The following ASAP1 variants were observed in gnomAD, a reference collection of about 807,000 sequenced individuals.
The protein encoded by ASAP1 is arf-GAP with SH3 domain, ANK repeat and PH domain-containing protein 1.
Under a neutral mutation model 145.2 loss-of-function variants are expected in ASAP1, and 43 were observed. The observed-to-expected ratio is 0.30, with a 90% CI of 0.23 to 0.38. The LOEUF is 0.38. ASAP1 is among the 10% of genes least tolerant of loss of function. ASAP1 has a pLI of 1.00. For missense variants in ASAP1, 1,018 were observed against 1,355.3 expected, an observed-to-expected ratio of 0.75 and a Z score of 3.91; for synonymous variants, 546 against 515.5, an observed-to-expected ratio of 1.06 and a Z score of -0.80.
intron 1 of ASAP1, among the ~76,000 whole-genome samples, chr8:130,428,426 A>G: frequency 7.1e-6 from 1 of 141,126 alleles, no homozygotes; most frequent in African/African-American, 2.7e-5. Flanking sequence ...CATCACCATC[A>G]TCATCATCAC....
At chr8:130,385,881 C>A (rs1361206829) in intron 2 of ASAP1, among the ~76,000 whole-genome samples, 1 of 152,332 alleles carries the variant, frequency 6.6e-6, no homozygotes, top group African/African-American at 2.4e-5. Flanking sequence ...TGGGGAGTCC[C>A]CCCACATCCT....
At chr8:130,355,058 T>C (rs1335414520) in intron 3 of ASAP1, among the ~76,000 whole-genome samples, 1 of 152,090 alleles carries the variant, frequency 6.6e-6, no homozygotes, top group East Asian at 1.9e-4. Context: ...GCTAATTTTT[T>C]AGTAGAGATG....
At chr8:130,406,945 T>C (rs1259305398) in intron 1 of ASAP1, among the ~76,000 whole-genome samples, 3 of 152,200 alleles carry the variant, frequency 2.0e-5, no homozygotes. Flanking sequence ...CCACCTCTTC[T>C]AGGAAGCTTT....
chr8:130,406,167 C>T (rs1829018443), intron 1 of ASAP1, among the ~76,000 whole-genome samples: 2 of 152,276 alleles, frequency 1.3e-5, no homozygotes, highest in South Asian at 2.1e-4. Flanking sequence ...CAGGGAACTA[C>T]CCTGTGCCAG....
intron 24 of ASAP1, among the ~76,000 whole-genome samples, chr8:130,102,411 G>GTT (rs1248342381): frequency 6.6e-6 from 1 of 152,108 alleles, no homozygotes; most frequent in Non-Finnish European, 1.5e-5. Context: ...ATTGATTAGC[G>GTT]TATGTTGAAA....
chr8:130,175,825 A>G (rs190657819), intron 9 of ASAP1, among the ~76,000 whole-genome samples: 121 of 152,336 alleles, frequency 7.9e-4, no homozygotes, highest in Non-Finnish European at 1.4e-3. Flanking sequence ...GAGAAAACAC[A>G]TGTAAGGAAC....
chr8:130,157,454 C>T (rs62524647), intron 12 of ASAP1, among the ~76,000 whole-genome samples: 24,116 of 152,150 alleles, frequency 0.16, 2,598 homozygotes, highest in East Asian at 0.43. Context: ...CAGCTCCCAT[C>T]TAGGTTTCTG....
intron 25 of ASAP1, among the ~76,000 whole-genome samples, chr8:130,082,519 T>TA (rs2097483051): frequency 1.3e-5 from 2 of 149,124 alleles, no homozygotes; most frequent in Non-Finnish European, 3.0e-5. Flanking sequence ...TTTTTTTTTT[T>TA]AAGAGACAAG....
intron 1 of ASAP1, among the ~76,000 whole-genome samples, chr8:130,410,173 G>A (rs1156921781): frequency 6.6e-6 from 1 of 152,106 alleles, no homozygotes; most frequent in Non-Finnish European, 1.5e-5. Flanking sequence ...TAAATATCAA[G>A]GAAGTATTGG....
At chr8:130,120,814 T>C (rs1333256349) in intron 18 of ASAP1, among the ~76,000 whole-genome samples, 1 of 152,232 alleles carries the variant, frequency 6.6e-6, no homozygotes, top group Non-Finnish European at 1.5e-5. Flanking sequence ...TTCAACTTTT[T>C]ATGGGCACTC....
Position 130,377,972 on chromosome 8 carries a change from G to A in ASAP1, c.60-19829C>T, listed in dbSNP as rs202222834. Among the ~76,000 whole-genome samples the A allele has an allele frequency of 1.0e-3, 153 of 152,232 alleles. 2 individuals are homozygous for A. Among genetic ancestry groups the A allele is most frequent in the East Asian group, 2.1e-3 (11 of 5,178 alleles). On this transcript the variant is annotated intron_variant, in intron 2 of 29. Transcript: ENST00000518721. ...CAGTGTGCTGTCTGTTTCCTCCTGG[G>A]ACCCTGACTGATACAGGGAGACAGC...
chr8:130,339,108 G>A (rs968192530), intron 3 of ASAP1, among the ~76,000 whole-genome samples: 6 of 152,166 alleles, frequency 3.9e-5, no homozygotes, highest in African/African-American at 1.2e-4. Context: ...CAGATACAGC[G>A]ACTCTTCATT....
intron 3 of ASAP1, among the ~76,000 whole-genome samples, chr8:130,347,811 C>T (rs1474338029): frequency 6.6e-6 from 1 of 152,204 alleles, no homozygotes; most frequent in Non-Finnish European, 1.5e-5. Context: ...GAGCTGCCTT[C>T]ATCTACCATT....
chr8:130,295,498 A>T (rs961356844), intron 3 of ASAP1, among the ~76,000 whole-genome samples: 3 of 152,218 alleles, frequency 2.0e-5, no homozygotes, highest in Admixed American at 2.0e-4. Context: ...CCACAGCTGT[A>T]AAACAGGGAT....
At chr8:130,275,606 T>G (rs952190737) in intron 3 of ASAP1, among the ~76,000 whole-genome samples, 1 of 152,154 alleles carries the variant, frequency 6.6e-6, no homozygotes, top group East Asian at 1.9e-4. Flanking sequence ...CGTTCAAATT[T>G]TACTGGCAGG....
At chr8:130,436,501 G>C (rs1268178522) in intron 1 of ASAP1, among the ~76,000 whole-genome samples, 1 of 152,150 alleles carries the variant, frequency 6.6e-6, no homozygotes, top group Non-Finnish European at 1.5e-5. Flanking sequence ...GGAGAGGTGA[G>C]GTTTCACCAT....
intron 3 of ASAP1, among the ~76,000 whole-genome samples, chr8:130,301,800 CATT>C (rs1348920825): frequency 1.3e-5 from 2 of 152,144 alleles, no homozygotes; most frequent in Admixed American, 1.3e-4. Flanking sequence ...TATGCATATG[CATT>C]GTTGTTGAGA....
intron 1 of ASAP1, among the ~76,000 whole-genome samples, chr8:130,439,272 G>T (rs1394518221): frequency 5.3e-5 from 8 of 152,150 alleles, no homozygotes; most frequent in African/African-American, 1.9e-4. Flanking sequence ...GCTGCCAGGA[G>T]TAACATCCTC....
At chr8:130,259,120 T>G (rs186340031) in intron 3 of ASAP1, among the ~76,000 whole-genome samples, 18 of 152,310 alleles carry the variant, frequency 1.2e-4, no homozygotes, top group African/African-American at 4.3e-4. Context: ...CTGAGCTGAT[T>G]TGAGAAATAA....
Sources: allele counts gnomAD v4.1 joint callset (sites outside exome capture counted in the v4.1 genomes callset), GRCh38; gene constraint gnomAD v4.1.1; transcripts MANE v1.5; gene names NCBI Gene and HGNC (gene_info 2026-07-23, HGNC 2026-07-21).